The following FAM178B variants were observed in gnomAD, a reference collection of about 807,000 sequenced individuals.
The protein encoded by FAM178B is family with sequence similarity 178 member B, also known as protein FAM178B.
FAM178B carries 82 observed loss-of-function variants against 91.7 expected under a neutral mutation model. The ratio of observed to expected loss-of-function variants is 0.89; its 90% CI spans 0.75 to 1.07. The LOEUF is 1.07. Among genes scored for constraint, FAM178B ranks in the 50% least tolerant of loss-of-function variants. FAM178B has a pLI of 0.00. For synonymous variants in FAM178B, 368 were observed against 359.4 expected, an observed-to-expected ratio of 1.02 and a Z score of -0.27; for missense variants, 769 against 846.7, an observed-to-expected ratio of 0.91 and a Z score of 1.14.
chr2:96,970,580 C>T lies in FAM178B; in HGVS notation c.626+136G>A, dbSNP rs186703541. On this transcript the variant is annotated intron_variant, in intron 4 of 16. Coordinates refer to ENST00000490605, the MANE Select transcript of FAM178B (RefSeq NM_001122646.3). ...CCCTGCCCTGGCGACCTGCCTGTTA[C>T]TGATCAGAGCACACAGGGCAGGCTG... 84 of 636,452 alleles carry T rather than the reference C, an allele frequency of 1.3e-4. No individual in the cohort carries two copies. In the East Asian group the frequency reaches 1.9e-3, roughly 14 times the overall value. The allele number at this position is 636,452 out of a possible 1,614,324, so 39.4% of individuals were successfully genotyped here. A position where few individuals can be genotyped will look rare whatever the true frequency, so the allele number is the denominator to read the frequency against.
At chr2:96,935,341 T>C (rs144386706) in intron 8 of FAM178B, among the ~76,000 whole-genome samples, 1 of 152,302 alleles carries the variant, frequency 6.6e-6, no homozygotes, top group African/African-American at 2.4e-5. Flanking sequence ...GTTCTTAGCA[T>C]GTGCCTCTCA....
rs1216030422 is a variant in FAM178B, at chr2:96,923,560, A to G, written c.1217T>C (p.Leu406Pro). Residue 406 changes from leucine to proline, a missense_variant, in exon 10 of 17, where the codon CTG becomes CCG. Leu to Pro is a moderately conservative substitution (Grantham distance 98). Transcript: ENST00000490605. ...GGRVLPGEAG[L>P]NENEEQDAPQ... is the part of the protein sequence containing the mutation. ...AGCGTCCTGCTCCTCATTCTCATTC[A>G]GGCCAGCCTCGCCTGGAAGCACCCT... 1 of 1,551,656 alleles carries G rather than the reference A, an allele frequency of 6.4e-7. No homozygotes were observed.
chr2:96,945,255 T>C (rs922893860), intron 8 of FAM178B, among the ~76,000 whole-genome samples: 5 of 152,066 alleles, frequency 3.3e-5, no homozygotes, highest in African/African-American at 1.2e-4. Flanking sequence ...AGGAATACAA[T>C]TCTCCGTTAC....
At chr2:96,901,176 CTT>C (rs1195230304) in intron 13 of FAM178B, among the ~76,000 whole-genome samples, 23,744 of 132,296 alleles carry the variant, frequency 0.18, 2,462 homozygotes, top group African/African-American at 0.31. Context: ...ATTCTTTTTT[CTT>C]TTTTTTTTTT....
At chr2:96,936,828 A>T (rs2081640463) in intron 8 of FAM178B, among the ~76,000 whole-genome samples, 1 of 151,954 alleles carries the variant, frequency 6.6e-6, no homozygotes, top group Admixed American at 6.6e-5. Context: ...GCGTTCTTTA[A>T]AAAAATAACA....
chr2:96,982,388 G>A (rs906337895), intron 1 of FAM178B, among the ~76,000 whole-genome samples: 13 of 151,954 alleles, frequency 8.6e-5, no homozygotes, highest in Admixed American at 3.9e-4. Context: ...TCAGCTTCCC[G>A]AGTAGCTGGG....
intron 10 of FAM178B, 48 bp downstream of exon 10, chr2:96,923,442 G>C: frequency 7.0e-7 from 1 of 1,422,452 alleles, no homozygotes; most frequent in Non-Finnish European, 9.7e-7. Flanking sequence ...GAATGGGTCT[G>C]AACTGTAAGC....
Position 96,971,989 on chromosome 2 carries a change from A to G in FAM178B, c.476T>C (p.Leu159Pro). 1.3e-6 allele frequency: 2 copies of G among 1,562,312 alleles called. No individual in the cohort carries two copies. Among genetic ancestry groups the G allele is most frequent in the Non-Finnish European group, 1.7e-6 (2 of 1,153,442 alleles). Residue 159 changes from leucine to proline, a missense_variant, in exon 3 of 17, where the codon CTG (leucine) becomes CCG (proline). Transcript: ENST00000490605. ...ELPEELEQEH[L>P]DLDPKRGLAL... is the part of the protein sequence containing the mutation. ...CAGGCCCCTCTTCGGGTCCAAGTCC[A>G]GGTGTTCCTGCTCCAACTCCTCGGG...
At chr2:96,877,331 CT>C (rs1455072805) in intron 16 of FAM178B, among the ~76,000 whole-genome samples, 13 of 152,190 alleles carry the variant, frequency 8.5e-5, no homozygotes, top group Middle Eastern at 6.8e-3. Flanking sequence ...TCCAGGGTGA[CT>C]TTTCTTTGCA....
intron 12 of FAM178B, among the ~76,000 whole-genome samples, chr2:96,904,725 TGGGCATGCCAGCTACA>T (rs1163665886): frequency 2.0e-5 from 3 of 151,806 alleles, no homozygotes; most frequent in African/African-American, 7.3e-5. Flanking sequence ...GGTACAAACA[TGGGCATGCCAGCTACA>T]GTACTCCACG....
chr2:96,876,336 AG>A, intron 16 of FAM178B, 28 bp from the exon 17 acceptor site: 1 of 1,585,920 alleles, frequency 6.3e-7, no homozygotes, highest in Non-Finnish European at 8.6e-7. Flanking sequence ...GCAGGCTGTG[AG>A]GGCCTGGGCC....
intron 6 of FAM178B, among the ~76,000 whole-genome samples, chr2:96,957,608 G>A (rs1473864975): frequency 6.6e-6 from 1 of 152,174 alleles, no homozygotes; most frequent in Admixed American, 6.5e-5. Flanking sequence ...CTTCCTGCAC[G>A]CCATCCACTC....
rs184654647 is a variant in FAM178B at position 96,963,153 on chromosome 2, G to A, written c.735-2713C>T. ...GCACAGATAACTTCCTTTCTGTGAGGAGTTTCAAAACATCCAAGCCATGAC... is the reference window on the plus strand; with the variant it reads ...GCACAGATAACTTCCTTTCTGTGAGAAGTTTCAAAACATCCAAGCCATGAC... On this transcript the variant is annotated intron_variant, in intron 5 of 16. Coordinates refer to ENST00000490605, the MANE Select transcript of FAM178B (RefSeq NM_001122646.3). Among the ~76,000 whole-genome samples, 161 of 152,336 alleles carry A rather than the reference G, an allele frequency of 1.1e-3. 2 individuals are homozygous for A. The highest frequency in any genetic ancestry group is 3.7e-3 in the African/African-American group (154 of 41,580).
At chr2:96,941,781 A>C (rs929769785) in intron 8 of FAM178B, among the ~76,000 whole-genome samples, 5 of 152,236 alleles carry the variant, frequency 3.3e-5, no homozygotes, top group African/African-American at 1.2e-4. Context: ...AAAAGAACCT[A>C]CGCAAGCTCT....
chr2:96,925,305 T>C (rs1018286373), intron 9 of FAM178B, among the ~76,000 whole-genome samples: 1 of 152,160 alleles, frequency 6.6e-6, no homozygotes, highest in Non-Finnish European at 1.5e-5. Flanking sequence ...GAGAGGAGTG[T>C]GGCTGTGGGG....
intron 12 of FAM178B, among the ~76,000 whole-genome samples, chr2:96,904,353 G>A (rs940445220): frequency 1.3e-5 from 2 of 152,016 alleles, no homozygotes; most frequent in African/African-American, 2.4e-5. Flanking sequence ...CACAAAAAAT[G>A]TATCTGCATG....
chr2:96,970,890 G>C, intron 3 of FAM178B, 113 bp from the exon 4 acceptor site: 2 of 812,208 alleles, frequency 2.5e-6, no homozygotes, highest in Non-Finnish European at 4.0e-6. Flanking sequence ...TTTCTGAAAA[G>C]ATACTATGTT....
At chr2:96,968,624 T>A (rs1161197399) in intron 4 of FAM178B, among the ~76,000 whole-genome samples, 1 of 152,050 alleles carries the variant, frequency 6.6e-6, no homozygotes, top group East Asian at 1.9e-4. Flanking sequence ...ATGACCCATG[T>A]CTACCAGCCA....
intron 10 of FAM178B, among the ~76,000 whole-genome samples, chr2:96,921,923 G>T (rs764884744): frequency 3.9e-5 from 6 of 152,100 alleles, no homozygotes; most frequent in Non-Finnish European, 8.8e-5. Context: ...GACCTACTGG[G>T]CTGCATTCCC....
Sources: gnomAD v4.1 joint callset for allele counts (sites outside exome capture counted in the v4.1 genomes callset) on GRCh38, gnomAD v4.1.1 for gene constraint, MANE v1.5 for transcripts, NCBI Gene and HGNC (gene_info 2026-07-23, HGNC 2026-07-21) for gene names.